Variants in PLCB1 observed in about 807,000 individuals in gnomAD.
The protein encoded by PLCB1 is 1-phosphatidylinositol 4,5-bisphosphate phosphodiesterase beta-1.
Under a neutral mutation model 161.8 loss-of-function variants are expected in PLCB1, and 46 were observed. The ratio of observed to expected loss-of-function variants is 0.28; its 90% CI spans 0.22 to 0.36. The LOEUF is 0.36. Ranked by LOEUF, PLCB1 falls within the 10% of genes least tolerant of loss-of-function variation. The pLI, the probability that PLCB1 is intolerant of heterozygous loss-of-function variation, is 1.00. For missense variants in PLCB1, 1,016 were observed against 1,472.5 expected (o/e 0.69, Z 5.07); for synonymous variants, 517 against 503.7 (o/e 1.03, Z -0.35).
intron 2 of PLCB1, among the ~76,000 whole-genome samples, chr20:8,175,474 A>G (rs911683123): frequency 6.6e-6 from 1 of 152,140 alleles, no homozygotes; most frequent in African/African-American, 2.4e-5. Flanking sequence ...TAAAAAAAAA[A>G]GTATAAAATG....
At chr20:8,796,893 A>G (rs1427689272) in intron 31 of PLCB1, among the ~76,000 whole-genome samples, 1 of 152,174 alleles carries the variant, frequency 6.6e-6, no homozygotes, top group Non-Finnish European at 1.5e-5. Flanking sequence ...TTCTTTGTGA[A>G]ACGTTTTTTC....
At chr20:8,293,550 A>T (rs1983482050) in intron 2 of PLCB1, among the ~76,000 whole-genome samples, 1 of 152,142 alleles carries the variant, frequency 6.6e-6, no homozygotes, top group African/African-American at 2.4e-5. Context: ...ATGAATAATC[A>T]AATGATTTCT....
At chr20:8,444,156 A>C (rs183416934) in intron 3 of PLCB1, among the ~76,000 whole-genome samples, 4 of 152,156 alleles carry the variant, frequency 2.6e-5, no homozygotes, top group Non-Finnish European at 5.9e-5. Context: ...CGTCATTTAC[A>C]TTAGGTATAT....
At chr20:8,188,074 G>A (rs1025895535) in intron 2 of PLCB1, among the ~76,000 whole-genome samples, 4 of 152,094 alleles carry the variant, frequency 2.6e-5, no homozygotes, top group Non-Finnish European at 4.4e-5. Flanking sequence ...TTCACGTCAA[G>A]CTTTGTCTTA....
intron 2 of PLCB1, among the ~76,000 whole-genome samples, chr20:8,344,299 G>A (rs1439823188): frequency 6.6e-6 from 1 of 152,186 alleles, no homozygotes; most frequent in East Asian, 1.9e-4. Flanking sequence ...TGGATTTTGT[G>A]GGTTTGTTTG....
intron 2 of PLCB1, among the ~76,000 whole-genome samples, chr20:8,217,387 C>T (rs1336572185): frequency 6.6e-6 from 1 of 151,888 alleles, no homozygotes; most frequent in African/African-American, 2.4e-5. Context: ...AACCAAGGGA[C>T]TGAATGAAGA....
At chr20:8,722,468 A>G (rs1406959183) in intron 15 of PLCB1, 47 bp downstream of exon 15, 1 of 1,407,538 alleles carries the variant, frequency 7.1e-7, no homozygotes, top group Non-Finnish European at 9.8e-7. Flanking sequence ...ACCACCCTGT[A>G]CTCTCCTGGG....
chr20:8,649,580 G>A, intron 7 of PLCB1, 131 bp downstream of exon 7: 1 of 673,902 alleles, frequency 1.5e-6, no homozygotes, highest in Admixed American at 2.4e-5. Flanking sequence ...CATGATTAAT[G>A]GGTTAATGAA....
At chr20:8,777,230 A>G (rs1219577483) in intron 27 of PLCB1, among the ~76,000 whole-genome samples, 1 of 152,128 alleles carries the variant, frequency 6.6e-6, no homozygotes, top group African/African-American at 2.4e-5. Flanking sequence ...GCTTTTGAGC[A>G]GAGGATTGAT....
At chr20:8,637,979 T>C (rs8116083) in intron 4 of PLCB1, among the ~76,000 whole-genome samples, 36,221 of 152,196 alleles carry the variant, frequency 0.24, 4,711 homozygotes, top group Admixed American at 0.32. Flanking sequence ...CTGCAAGCTC[T>C]GCCTCCTGGG....
chr20:8,684,838 A>G (rs1335494311), intron 9 of PLCB1, 94 bp from the exon 10 acceptor site: 9 of 860,806 alleles, frequency 1.0e-5, no homozygotes, highest in Non-Finnish European at 1.3e-5. Context: ...TACCTTGGAC[A>G]CTACAAGATA....
intron 3 of PLCB1, among the ~76,000 whole-genome samples, chr20:8,505,828 G>C (rs1983616320): frequency 6.6e-6 from 1 of 152,164 alleles, no homozygotes; most frequent in Non-Finnish European, 1.5e-5. Flanking sequence ...CTTTAAGAGA[G>C]TGAATGGGGT....
chr20:8,261,075 A>G (rs2123242064), intron 2 of PLCB1, among the ~76,000 whole-genome samples: 1 of 152,230 alleles, frequency 6.6e-6, no homozygotes, highest in East Asian at 1.9e-4. Context: ...ACTAAATTTC[A>G]TCTGAAACAA....
intron 31 of PLCB1, among the ~76,000 whole-genome samples, chr20:8,809,851 A>G (rs115466451): frequency 0.01 from 1,534 of 152,166 alleles, 24 homozygotes; most frequent in African/African-American, 0.034. Context: ...AGTCCCCTAA[A>G]ACTTACACCT....
At chr20:8,284,243 A>G (rs551587004) in intron 2 of PLCB1, among the ~76,000 whole-genome samples, 7 of 152,106 alleles carry the variant, frequency 4.6e-5, no homozygotes, top group Non-Finnish European at 1.0e-4. Flanking sequence ...ACTAGAACAT[A>G]TATTTTAGCA....
intron 31 of PLCB1, among the ~76,000 whole-genome samples, chr20:8,875,333 TAAC>T (rs1188590893): frequency 6.7e-6 from 1 of 149,678 alleles, no homozygotes; most frequent in Admixed American, 6.7e-5. Flanking sequence ...CAGAAGCAAA[TAAC>T]AAGCAAATAA....
At chr20:8,574,869 AG>A (rs1172171226) in intron 3 of PLCB1, among the ~76,000 whole-genome samples, 20 of 147,436 alleles carry the variant, frequency 1.4e-4, no homozygotes, top group African/African-American at 5.2e-4. Flanking sequence ...TCACTTCAAC[AG>A]AAAAGATATA....
chr20:8,577,513 CCTT>C (rs1199004006), intron 3 of PLCB1, among the ~76,000 whole-genome samples: 3 of 151,454 alleles, frequency 2.0e-5, no homozygotes, highest in African/African-American at 7.3e-5. Context: ...TCCTTGATGA[CCTT>C]CTAACTTAAG....
intron 2 of PLCB1, among the ~76,000 whole-genome samples, chr20:8,199,255 C>T (rs375771227): frequency 2.0e-4 from 30 of 152,152 alleles, no homozygotes; most frequent in African/African-American, 5.8e-4. Context: ...TCGCCATTGT[C>T]GGCAGCGCTG....
Sources: gnomAD v4.1 joint callset for allele counts (sites outside exome capture counted in the v4.1 genomes callset) on GRCh38, gnomAD v4.1.1 for gene constraint, MANE v1.5 for transcripts, NCBI Gene and HGNC (gene_info 2026-07-23, HGNC 2026-07-21) for gene names.